GNAS: variants seen among roughly 807,000 people sequenced by gnomAD.
The protein encoded by GNAS is GNAS complex locus.
Under a neutral mutation model 54.5 loss-of-function variants are expected in GNAS, and 8 were observed. That is an observed-to-expected ratio of 0.15 (90% CI 0.09 to 0.26). The LOEUF is 0.26. Among genes scored for constraint, GNAS ranks in the 10% least tolerant of loss-of-function variants. GNAS has a pLI of 1.00. For missense variants in GNAS, 170 were observed against 529.8 expected (o/e 0.32, Z 6.67); for synonymous variants, 204 against 191.4 (o/e 1.07, Z -0.54).
At chr20:58,892,229 A>AG (rs2089491878) in intron 1 of GNAS, 2 of 948,544 alleles carry the variant, frequency 2.1e-6, no homozygotes, top group South Asian at 4.9e-5. Context: ...GGGGAGGGGG[A>AG]GGGGGAGCCC....
At chr20:58,852,988 A>G in intron 1 of GNAS, 2 of 1,248,892 alleles carry the variant, frequency 1.6e-6, no homozygotes, top group Non-Finnish European at 2.0e-6. Context: ...GTAAGGATAG[A>G]CCAAGGAAGA....
intron 3 of GNAS, chr20:58,899,891 G>C (rs910039661): frequency 2.8e-6 from 2 of 716,456 alleles, no homozygotes; most frequent in Non-Finnish European, 5.2e-6. Context: ...GAGGGGCAAA[G>C]ATATTGGGGT....
intron 6 of GNAS, 141 bp downstream of exon 6, chr20:58,905,621 T>C: frequency 2.9e-6 from 2 of 698,482 alleles, no homozygotes; most frequent in Non-Finnish European, 5.2e-6. Context: ...GGCAGAAAGT[T>C]CTAATCTGAT....
chr20:58,871,213 G>A (rs1449992232), intron 1 of GNAS, among the ~76,000 whole-genome samples: 4 of 152,112 alleles, frequency 2.6e-5, no homozygotes, highest in African/African-American at 9.7e-5. Flanking sequence ...CCTTGTGAAC[G>A]ACTCAGAAAT....
At chr20:58,891,004 G>A (rs925936069), upstream of GNAS, among the ~76,000 whole-genome samples, 30 of 151,250 alleles carry the variant, frequency 2.0e-4, no homozygotes, top group East Asian at 8.1e-4. Flanking sequence ...AGGGGGAGGA[G>A]GCCTCGGGGG....
chr20:58,904,934 C>T (rs1171805836), intron 5 of GNAS, among the ~76,000 whole-genome samples: 2 of 152,144 alleles, frequency 1.3e-5, no homozygotes, highest in African/African-American at 4.8e-5. Context: ...ACAAGTCCCC[C>T]ATCATCATTT....
At chr20:58,859,768 A>G (rs2086687133) in intron 1 of GNAS, among the ~76,000 whole-genome samples, 1 of 151,892 alleles carries the variant, frequency 6.6e-6, no homozygotes, top group African/African-American at 2.4e-5. Context: ...CTAGGATTAC[A>G]GGTGCATGCA....
At position 58,909,775 on chromosome 20, in the gene GNAS, G is replaced by C; in HGVS notation, c.810G>C (p.Leu270=). The C allele has an allele frequency of 1.2e-6, 2 of 1,613,866 alleles. No individual in the cohort carries two copies. Among genetic ancestry groups the C allele is most frequent in the Non-Finnish European group, 8.5e-7 (1 of 1,179,998 alleles). Residue 270 remains leucine, a synonymous_variant, in exon 10 of 13, where the codon CTG becomes CTC. Transcript: ENST00000371085. The surrounding 1 kb of genome is among the most constrained non-coding windows in gnomAD (Gnocchi z 7.3). The part of the protein sequence containing the change: ...DNQTNRLQEA[L]NLFKSIWNNR... Reference sequence around the variant, plus strand: ...AGACCAACCGCCTGCAGGAGGCTCTGAACCTCTTCAAGAGCATCTGGAACA... The same window carrying C: ...AGACCAACCGCCTGCAGGAGGCTCTCAACCTCTTCAAGAGCATCTGGAACA...
intron 1 of GNAS, among the ~76,000 whole-genome samples, chr20:58,882,198 A>C (rs2088272208): frequency 6.6e-6 from 1 of 152,108 alleles, no homozygotes; most frequent in South Asian, 2.1e-4. Flanking sequence ...CCTCCCGAGT[A>C]GCTGGGACTA....
intron 1 of GNAS, among the ~76,000 whole-genome samples, chr20:58,865,787 T>C (rs1277410120): frequency 6.6e-6 from 1 of 152,046 alleles, no homozygotes; most frequent in Non-Finnish European, 1.5e-5. Context: ...GTGACCCAGA[T>C]GACCCTAACT....
chr20:58,840,985 G>C lies in GNAS; in HGVS notation c.43+99G>C. The C allele has an allele frequency of 1.6e-6, 2 of 1,290,114 alleles. No homozygotes were observed. Among genetic ancestry groups the C allele is most frequent in the Non-Finnish European group, 1.1e-6 (1 of 914,390 alleles). 79.9% of individuals were successfully genotyped at this position (1,290,114 alleles called of 1,614,324 possible). On this transcript the variant is annotated intron_variant, in intron 1 of 12. Coordinates refer to the GNAS transcript ENST00000306090. This position sits in a 1 kb window ranked among gnomAD's most constrained non-coding sequence, Gnocchi z 6.0. ...GGAAAGGCAGGTCAGGGGCGAGTGG[G>C]AAGAGAGGAGGCTCAGCTGGTCAGC...
At chr20:58,869,307 C>T (rs1323194487) in intron 1 of GNAS, among the ~76,000 whole-genome samples, 4 of 152,164 alleles carry the variant, frequency 2.6e-5, no homozygotes, top group Non-Finnish European at 5.9e-5. Flanking sequence ...TGAGGTATGC[C>T]AACCCCCTAT....
chr20:58,907,974 G>C (rs1461761402), intron 6 of GNAS, among the ~76,000 whole-genome samples: 2 of 152,210 alleles, frequency 1.3e-5, no homozygotes, highest in African/African-American at 4.8e-5. Flanking sequence ...TAGAACTGTG[G>C]TTCTGTTGCC....
chr20:58,887,573 G>A (rs78336160), upstream of GNAS, among the ~76,000 whole-genome samples: 6,360 of 152,164 alleles, frequency 0.042, 172 homozygotes, highest in Middle Eastern at 0.082. Context: ...ATGCATCTTT[G>A]GTTAGGTGAA....
upstream of GNAS, chr20:58,889,475 CGG>C (rs1452880422): frequency 5.4e-6 from 2 of 367,556 alleles, no homozygotes; most frequent in African/African-American, 4.4e-5. Flanking sequence ...GGGGCGCCTC[CGG>C]GCACCCCCCA....
intron 1 of GNAS, among the ~76,000 whole-genome samples, chr20:58,881,966 T>C (rs1254947092): frequency 6.6e-6 from 1 of 152,236 alleles, no homozygotes; most frequent in African/African-American, 2.4e-5. Flanking sequence ...CAAACCTGTT[T>C]GCTTTAGAAC....
chr20:58,839,903 GGC>G, upstream of GNAS: 2 of 604,562 alleles, frequency 3.3e-6, no homozygotes, highest in Non-Finnish European at 5.9e-6. Context: ...AGGCAAGCAA[GGC>G]GCGGAGCTTT....
At chr20:58,896,820 C>T (rs929754348) in intron 2 of GNAS, among the ~76,000 whole-genome samples, 3 of 152,066 alleles carry the variant, frequency 2.0e-5, no homozygotes, top group African/African-American at 7.2e-5. Context: ...GTTGCTTCAG[C>T]TTCCATTTCA....
chr20:58,850,827 C>T (rs1423560520), intron 1 of GNAS: 4 of 398,672 alleles, frequency 1.0e-5, no homozygotes, highest in Middle Eastern at 6.2e-4. Flanking sequence ...CAGGCCTAGC[C>T]GCCATACACC....
Sources: allele counts gnomAD v4.1 joint callset (sites outside exome capture counted in the v4.1 genomes callset), GRCh38; gene constraint gnomAD v4.1.1; non-coding constraint Gnocchi (gnomAD v3.1); transcripts MANE v1.5; gene names NCBI Gene and HGNC (gene_info 2026-07-23, HGNC 2026-07-21).